EP400: variants seen among roughly 807,000 people sequenced by gnomAD.
EP400 encodes E1A-binding protein p400.
A neutral mutation model predicts 354.1 loss-of-function variants in EP400; 105 were observed. The ratio of observed to expected loss-of-function variants is 0.30; its 90% confidence interval spans 0.25 to 0.35. The LOEUF is 0.35. EP400 is among the 10% of genes least tolerant of loss of function. EP400 has a pLI of 1.00. For missense variants in EP400, 3,280 were observed against 4,121.0 expected (o/e 0.80, Z 5.59); for synonymous variants, 1,646 against 1,716.9 (o/e 0.96, Z 1.02).
rs559049708 is a variant in EP400 at position 132,007,308 on chromosome 12, G to A, written c.3304+431G>A. Among the ~76,000 whole-genome samples, 13 of 152,306 alleles carry A rather than the reference G, an allele frequency of 8.5e-5. No homozygotes were observed. In the South Asian group the frequency reaches 2.5e-3, roughly 29 times the overall value. ...TGTTATCATGTCCATGCCTCCTCTC[G>A]TCCCTCTTGCTGGATTTCACCTGTC... On this transcript the variant is annotated intron_variant, in intron 15 of 52. Coordinates refer to ENST00000389561, the MANE Select transcript of EP400 (RefSeq NM_015409.5).
intron 1 of EP400, among the ~76,000 whole-genome samples, chr12:131,951,065 A>AT (rs750396319): frequency 0.053 from 5,514 of 104,066 alleles, 109 homozygotes; most frequent in African/African-American, 0.071. Context: ...ACGCCTGGCT[A>AT]TTTTTTTTTT....
At chr12:132,041,934 C>T (rs909336051) in intron 32 of EP400, among the ~76,000 whole-genome samples, 1 of 149,098 alleles carries the variant, frequency 6.7e-6, no homozygotes, top group Non-Finnish European at 1.5e-5. Flanking sequence ...TGGATTTTCT[C>T]TATTTCTTTT....
intron 30 of EP400, among the ~76,000 whole-genome samples, chr12:132,032,724 G>T (rs186834216): frequency 6.6e-6 from 1 of 150,880 alleles, no homozygotes; most frequent in Non-Finnish European, 1.5e-5. Context: ...TCTGTCTCCC[G>T]GGTTCAAGCA....
rs376166374 is a variant in EP400 at position 132,044,142 on chromosome 12, C to T, written c.6451-35C>T. 5.0e-6 allele frequency: 8 copies of T among 1,611,054 alleles called. No homozygotes were observed. The African/African-American group carries it at 9.3e-5, about 19-fold the overall frequency. ...TCGGGGGCTGCTCTGAGCTGCACTCCTGATCCTGAAAGTTCTTGCTGCTCT... is the reference window on the plus strand; with the variant it reads ...TCGGGGGCTGCTCTGAGCTGCACTCTTGATCCTGAAAGTTCTTGCTGCTCT... On this transcript the variant is annotated intron_variant, in intron 34 of 52. Transcript: ENST00000389561.
chr12:132,058,827 C>T (rs1270308375), intron 45 of EP400, among the ~76,000 whole-genome samples: 1 of 148,430 alleles, frequency 6.7e-6, no homozygotes, highest in Non-Finnish European at 1.5e-5. Flanking sequence ...CTTGCTGTTG[C>T]TCTGGCTGGA....
rs746531202 is a variant in EP400, at chr12:131,990,597, C to T, written c.2551-39C>T. 1.2e-5 allele frequency: 18 copies of T among 1,451,302 alleles called. No homozygotes were observed. Among genetic ancestry groups the T allele is most frequent in the Admixed American group, 3.7e-5 (2 of 54,476 alleles). 89.9% of individuals were successfully genotyped at this position (1,451,302 alleles called of 1,614,324 possible). A position where few individuals can be genotyped will look rare whatever the true frequency, so the allele number is the denominator to read the frequency against. On this transcript the variant is annotated intron_variant, in intron 8 of 52. Coordinates refer to ENST00000389561, the MANE Select transcript of EP400 (RefSeq NM_015409.5). The surrounding 1 kb of genome is among the most constrained non-coding windows in gnomAD (Gnocchi z 4.2). The stretch of plus-strand genomic sequence containing the variant: ...ATGCAGAACGTCTGTAATTCCCATC[C>T]TTAGTAATGTGCTTATTCATTTAAT...
At chr12:131,963,518 A>G in intron 2 of EP400, 2 of 1,580,538 alleles carry the variant, frequency 1.3e-6, no homozygotes, top group East Asian at 4.5e-5. Flanking sequence ...TTTTCTCAAA[A>G]TATTTCCTCT....
Position 132,032,709 on chromosome 12 carries a change from C to T in EP400, c.5951+560C>T, listed in dbSNP as rs182516371. Among the ~76,000 whole-genome samples, 426 of 151,546 alleles carry T rather than the reference C, an allele frequency of 2.8e-3. 1 individual carries two copies. Among genetic ancestry groups the T allele is most frequent in the Non-Finnish European group, 4.8e-3 (329 of 67,932 alleles). ...GCAGTGGCACGATCTTGGCTCACCG[C>T]GACCTCTGTCTCCCGGGTTCAAGCA... On this transcript the variant is annotated intron_variant, in intron 30 of 52. Coordinates refer to ENST00000389561, the MANE Select transcript of EP400 (RefSeq NM_015409.5).
In EP400 at chr12:131,961,036, C is replaced by T. The variant is rs1474288182; in HGVS notation, c.417C>T (p.Pro139=). 2.5e-6 allele frequency: 4 copies of T among 1,590,486 alleles called. No homozygotes were observed. The East Asian group carries it at 9.2e-5, about 37-fold the overall frequency. ...TCCAGACCCAGAGTCCCACGCAGCC[C>T]AGTCCGGGGCCGGGGCAGGCCTTGC... is the stretch of plus-strand genomic sequence containing the variant. ...QQVQTQSPTQ[P]SPGPGQALQN... is the part of the protein sequence containing the mutation. The change falls in exon 2 of 53, where the codon CCC becomes CCT. Residue 139 remains proline, a synonymous_variant. Transcript: ENST00000389561.
chr12:132,020,072 G>A lies in EP400; in HGVS notation c.4301G>A (p.Gly1434Asp), dbSNP rs2136541578. The A allele has an allele frequency of 6.3e-7, 1 of 1,586,300 alleles. No individual in the cohort carries two copies. Residue 1434 changes from glycine to aspartate, a missense_variant, in exon 22 of 53, where the codon GGC becomes GAC. By Grantham distance (94) the Gly-to-Asp change is moderately conservative. Around this residue, in one of 20 missense-constraint regions of EP400, gnomAD observed 342 missense variants for 342.7 expected, o/e 1.00. Coordinates refer to ENST00000389561, the MANE Select transcript of EP400 (RefSeq NM_015409.5). Reference protein sequence around the residue: ...ASRLFQPVQYGQKPEGRTVAF... With the variant: ...ASRLFQPVQYDQKPEGRTVAF... ...AGGTTGTTTCAGCCTGTGCAGTATG[G>A]CCAGAAGCCCGAGGGTCGCACCGTG...
intron 5 of EP400, among the ~76,000 whole-genome samples, chr12:131,982,938 C>T (rs1358275952): frequency 1.3e-5 from 2 of 150,932 alleles, no homozygotes; most frequent in African/African-American, 2.5e-5. Flanking sequence ...CCATTGCACT[C>T]CAGCCTGGGT....
chr12:132,055,532 TGA>T (rs1895464596), intron 45 of EP400, among the ~76,000 whole-genome samples: 1 of 121,932 alleles, frequency 8.2e-6, no homozygotes, highest in South Asian at 2.8e-4. Flanking sequence ...GGGGTGTGTG[TGA>T]GGTGTAGGGG....
chr12:131,973,085 CT>C (rs1208797076), intron 2 of EP400, among the ~76,000 whole-genome samples: 3 of 152,158 alleles, frequency 2.0e-5, no homozygotes, highest in Admixed American at 2.0e-4. Flanking sequence ...TGAATTTATA[CT>C]TTTTTGTTTT....
intron 45 of EP400, 142 bp downstream of exon 45, chr12:132,055,350 A>G: frequency 1.4e-6 from 1 of 734,872 alleles, no homozygotes. Flanking sequence ...TAAGTAGCTG[A>G]TCAGTATGTT....
chr12:131,966,311 G>T (rs1217627893), intron 2 of EP400, among the ~76,000 whole-genome samples: 3 of 152,068 alleles, frequency 2.0e-5, no homozygotes, highest in African/African-American at 7.2e-5. Context: ...GATGGCTCAT[G>T]CCTGTAGTCC....
chr12:131,975,528 CT>C lies in EP400; in HGVS notation c.1336-4160del, dbSNP rs1892444421. ...CACTTGGTTCTTCTCTCTCAATAATCTTTTTTCAGGCTCACTGATTTTTAAA... is the reference window on the plus strand; with the variant it reads ...CACTTGGTTCTTCTCTCTCAATAATCTTTTTCAGGCTCACTGATTTTTAAA... On this transcript the variant is annotated intron_variant, in intron 2 of 52. Transcript: ENST00000389561. Among the ~76,000 whole-genome samples the C allele has an allele frequency of 2.0e-5, 3 of 152,056 alleles. No homozygotes were observed. In the South Asian group the frequency reaches 6.2e-4, roughly 32 times the overall value.
In EP400 at chr12:131,994,987, G is replaced by C; in HGVS notation, c.2827+31G>C. ...CTGTTGCTACCTTATTAAACATTCAGTAAGTAAAAAGAAACATTTAAAACA... is the reference window on the plus strand; with the variant it reads ...CTGTTGCTACCTTATTAAACATTCACTAAGTAAAAAGAAACATTTAAAACA... On this transcript the variant is annotated intron_variant, in intron 12 of 52. Coordinates refer to ENST00000389561, the MANE Select transcript of EP400 (RefSeq NM_015409.5). The surrounding 1 kb of genome is among the most constrained non-coding windows in gnomAD (Gnocchi z 4.6). 1 of 1,587,294 alleles carries C rather than the reference G, an allele frequency of 6.3e-7. No individual in the cohort carries two copies. The highest frequency in any genetic ancestry group is 8.6e-7 in the Non-Finnish European group (1 of 1,157,262).
intron 23 of EP400, among the ~76,000 whole-genome samples, chr12:132,023,299 ATTTTTTTTTTTTT>A (rs767816284): frequency 1.4e-4 from 10 of 71,078 alleles, no homozygotes; most frequent in Non-Finnish European, 2.2e-4. Flanking sequence ...TGCCCAGCTA[ATTTTTTTTTTTTT>A]TTTTTTTTTT....
rs1892715350 is a variant in EP400 at position 131,982,476 on chromosome 12, C to G, written c.1927C>G (p.Gln643Glu). 1.2e-6 allele frequency: 2 copies of G among 1,600,646 alleles called. No individual in the cohort carries two copies. Among genetic ancestry groups the G allele is most frequent in the Non-Finnish European group, 1.7e-6 (2 of 1,170,878 alleles). Residue 643 changes from glutamine to glutamate, a missense_variant and splice_region_variant, in exon 5 of 53, where the codon CAG becomes GAG. Around this residue, in one of 20 missense-constraint regions of EP400, gnomAD observed 800 missense variants for 840.0 expected, o/e 0.95. Transcript: ENST00000389561. ...VQASQLSSLP[Q>E]MVASTRLPVD... ...GGCCTCTCAGCTTTCCTCCCTGCCA[C>G]AGGTATGAGAAAAGATAGAGGAAAA...
Sources: allele counts gnomAD v4.1 joint callset (sites outside exome capture counted in the v4.1 genomes callset), GRCh38; gene constraint gnomAD v4.1.1; regional missense constraint gnomAD v4.1.1; non-coding constraint Gnocchi (gnomAD v3.1); transcripts MANE v1.5; gene names NCBI Gene and HGNC (gene_info 2026-07-23, HGNC 2026-07-21).